Variants in ETV7 observed in about 807,000 individuals in gnomAD.
ETV7 encodes the protein transcription factor ETV7.
Under a neutral mutation model 39.1 loss-of-function variants are expected in ETV7, and 43 were observed. The ratio of observed to expected loss-of-function variants is 1.10; its 90% CI spans 0.86 to 1.42. ETV7 has a LOEUF of 1.42. Ranked by LOEUF, ETV7 falls within the 40% of genes most tolerant of loss-of-function variation. ETV7 has a pLI of 0.00. For synonymous variants in ETV7, 196 were observed against 176.6 expected (o/e 1.11, Z -0.87); for missense variants, 432 against 442.3 (o/e 0.98, Z 0.21).
intron 2 of ETV7, among the ~76,000 whole-genome samples, chr6:36,382,676 T>G (rs1773710816): frequency 6.6e-6 from 1 of 152,206 alleles, no homozygotes; most frequent in Non-Finnish European, 1.5e-5. Flanking sequence ...CCATTTCTCC[T>G]GCTTTACACC....
chr6:36,378,964 T>C (rs1773511209), intron 2 of ETV7, among the ~76,000 whole-genome samples: 2 of 152,192 alleles, frequency 1.3e-5, no homozygotes, highest in South Asian at 2.1e-4. Flanking sequence ...AGATATTTAA[T>C]AGCAGGAGTG....
rs899982566 is a variant in ETV7, at chr6:36,373,697, T to A, written c.308-119A>T. 4.2e-6 allele frequency: 5 copies of A among 1,193,952 alleles called. No individual in the cohort carries two copies. The African/African-American group carries it at 4.9e-5, about 12-fold the overall frequency. The allele number at this position is 1,193,952 out of a possible 1,614,324, so 74.0% of individuals were successfully genotyped here. ...GCTGGCATGTCTTGTCACAGCTTCA[T>A]GCCGATGGCAAAGGGGTTCCTGCTG... On this transcript the variant is annotated intron_variant, in intron 3 of 7. Transcript: ENST00000340181.
intron 2 of ETV7, among the ~76,000 whole-genome samples, chr6:36,377,921 C>A (rs1005770744): frequency 2.0e-5 from 3 of 152,122 alleles, no homozygotes; most frequent in African/African-American, 4.8e-5. Context: ...TCCTTTACTT[C>A]TATTTTGGGA....
chr6:36,387,024 G>C, intron 1 of ETV7: 1 of 181,794 alleles, frequency 5.5e-6, no homozygotes, highest in Non-Finnish European at 1.2e-5. Flanking sequence ...CAGCATGGAG[G>C]CCAGGGAAGG....
At chr6:36,383,774 C>T (rs748016502) in intron 2 of ETV7, among the ~76,000 whole-genome samples, 1 of 152,194 alleles carries the variant, frequency 6.6e-6, no homozygotes, top group African/African-American at 2.4e-5. Flanking sequence ...TACTAAGGGC[C>T]AGAACTGTAT....
At chr6:36,384,660 C>T (rs139319706) in intron 2 of ETV7, among the ~76,000 whole-genome samples, 1,754 of 152,074 alleles carry the variant, frequency 0.012, 33 homozygotes, top group African/African-American at 0.04. Flanking sequence ...GAGGCCGAGG[C>T]GGGTGGATCA....
chr6:36,366,646 C>T lies in ETV7; in HGVS notation c.1025G>A (p.Ter342=), dbSNP rs1472485855. Residue 342 remains the stop codon, a stop_retained_variant, in exon 8 of 8, where the codon TGA becomes TAA. Transcript: ENST00000340181. The part of the protein sequence containing the change: ...FKDKRPEISP[*] Reference sequence around the variant, plus strand: ...GGGTGCCTGGAGTCCACCTGCCCCTCACGGAGAGATTTCTGGCCTCTTGTC... The same window carrying T: ...GGGTGCCTGGAGTCCACCTGCCCCTTACGGAGAGATTTCTGGCCTCTTGTC... The T allele has an allele frequency of 5.0e-6, 8 of 1,614,170 alleles. No homozygotes were observed. Among genetic ancestry groups the T allele is most frequent in the Non-Finnish European group, 6.8e-6 (8 of 1,180,032 alleles).
intron 3 of ETV7, among the ~76,000 whole-genome samples, chr6:36,374,284 G>A (rs1303137844): frequency 6.6e-6 from 1 of 151,980 alleles, no homozygotes; most frequent in Non-Finnish European, 1.5e-5. Context: ...TGGAACCCAG[G>A]AGGTTGAGGC....
At chr6:36,383,055 C>T (rs1773728310) in intron 2 of ETV7, among the ~76,000 whole-genome samples, 1 of 152,078 alleles carries the variant, frequency 6.6e-6, no homozygotes, top group Non-Finnish European at 1.5e-5. Flanking sequence ...CCAAGTTGTC[C>T]CTTGAGGGTG....
intron 4 of ETV7, among the ~76,000 whole-genome samples, chr6:36,372,067 CA>C (rs2127391166): frequency 6.6e-6 from 1 of 152,306 alleles, no homozygotes; most frequent in East Asian, 1.9e-4. Context: ...AAAAATAAAT[CA>C]CCCTAAGGCA....
chr6:36,369,668 C>A (rs1369229809), intron 5 of ETV7, among the ~76,000 whole-genome samples: 1 of 152,336 alleles, frequency 6.6e-6, no homozygotes, highest in Non-Finnish European at 1.5e-5. Flanking sequence ...CTTCTCTGAG[C>A]CAGCTTCCTT....
downstream of ETV7, among the ~76,000 whole-genome samples, chr6:36,362,771 A>G (rs1413542557): frequency 6.6e-6 from 1 of 152,200 alleles, no homozygotes; most frequent in East Asian, 1.9e-4. Context: ...CTGCTCTCCT[A>G]GTAGCCCAAC....
intron 7 of ETV7, among the ~76,000 whole-genome samples, chr6:36,357,425 C>T (rs1272765465): frequency 1.3e-5 from 2 of 152,158 alleles, no homozygotes; most frequent in Non-Finnish European, 2.9e-5. Flanking sequence ...GCAATCCATA[C>T]AGGACAGTCT....
At chr6:36,375,555 G>A (rs988492267) in intron 3 of ETV7, among the ~76,000 whole-genome samples, 1 of 152,202 alleles carries the variant, frequency 6.6e-6, no homozygotes, top group East Asian at 1.9e-4. Flanking sequence ...AGTAGGGGTA[G>A]CGGGTGGGAG....
intron 1 of ETV7, 137 bp downstream of exon 1, chr6:36,387,399 A>T: frequency 7.9e-7 from 1 of 1,259,896 alleles, no homozygotes; most frequent in Non-Finnish European, 1.2e-6. Flanking sequence ...TGTGAGGTTT[A>T]GGAATGTGTT....
chr6:36,365,305 G>A (rs1772675285), downstream of ETV7, among the ~76,000 whole-genome samples: 1 of 152,196 alleles, frequency 6.6e-6, no homozygotes, highest in South Asian at 2.1e-4. Flanking sequence ...ATTGGACCGA[G>A]GTGTTTTCAT....
chr6:36,366,815 T>C, intron 7 of ETV7, 53 bp from the exon 8 acceptor site: 3 of 1,613,188 alleles, frequency 1.9e-6, no homozygotes, highest in Non-Finnish European at 2.5e-6. Context: ...TGCAGGGGGA[T>C]TCCAGCCCAC....
intron 4 of ETV7, 92 bp from the exon 5 acceptor site, chr6:36,371,652 G>T: frequency 1.8e-6 from 2 of 1,129,128 alleles, no homozygotes; most frequent in Non-Finnish European, 2.6e-6. Context: ...GCCCTGTGGG[G>T]CAGCACTCCT....
chr6:36,363,328 C>T (rs1004661716), downstream of ETV7, among the ~76,000 whole-genome samples: 58 of 152,252 alleles, frequency 3.8e-4, no homozygotes, highest in African/African-American at 1.2e-3. Flanking sequence ...CAGACCTTCG[C>T]GGTGAGTGTT....
Sources: gnomAD v4.1 joint callset for allele counts (sites outside exome capture counted in the v4.1 genomes callset) on GRCh38, gnomAD v4.1.1 for gene constraint, MANE v1.5 for transcripts, NCBI Gene and HGNC (gene_info 2026-07-23, HGNC 2026-07-21) for gene names.